ADAMTSL3: variants seen among roughly 807,000 people sequenced by gnomAD.
ADAMTSL3 encodes ADAMTS-like protein 3.
Under a neutral mutation model 201.7 loss-of-function variants are expected in ADAMTSL3, and 128 were observed. The observed-to-expected ratio is 0.63, with a 90% CI of 0.55 to 0.73. The LOEUF (loss-of-function observed/expected upper bound fraction) is 0.73, where lower values mean the gene tolerates loss of function less well. Among genes scored for constraint, ADAMTSL3 ranks in the 30% least tolerant of loss-of-function variants. The probability of loss-of-function intolerance (pLI) is 0.00; values close to 1 mark genes in which losing one functional copy is unlikely to be tolerated. For synonymous variants in ADAMTSL3, 738 were observed against 748.4 expected (o/e 0.99, Z 0.23); for missense variants, 1,990 against 2,119.6 (o/e 0.94, Z 1.20).
chr15:83,821,884 A>C (rs1490952361), intron 6 of ADAMTSL3, among the ~76,000 whole-genome samples: 84 of 115,110 alleles, frequency 7.3e-4, no homozygotes, highest in African/African-American at 2.5e-3. Flanking sequence ...GACCCCCCCA[A>C]CTCCCTCCCG....
chr15:83,821,265 GATC>G (rs930084644), intron 6 of ADAMTSL3, among the ~76,000 whole-genome samples: 2 of 143,992 alleles, frequency 1.4e-5, no homozygotes, highest in African/African-American at 5.2e-5. Flanking sequence ...TTTTTTAATT[GATC>G]ATTCTTGGGT....
At chr15:83,870,350 C>T (rs1209911643) in intron 8 of ADAMTSL3, among the ~76,000 whole-genome samples, 1 of 152,158 alleles carries the variant, frequency 6.6e-6, no homozygotes, top group East Asian at 1.9e-4. Context: ...ACTATTTTTG[C>T]AACTTCCTGT....
intron 3 of ADAMTSL3, among the ~76,000 whole-genome samples, chr15:83,741,790 A>C (rs774851777): frequency 1.3e-5 from 2 of 152,082 alleles, no homozygotes; most frequent in Non-Finnish European, 2.9e-5. Flanking sequence ...TCCATCTAGG[A>C]GTTTGAGACC....
At chr15:83,866,051 A>G (rs2141812402) in intron 8 of ADAMTSL3, among the ~76,000 whole-genome samples, 1 of 152,330 alleles carries the variant, frequency 6.6e-6, no homozygotes, top group South Asian at 2.1e-4. Context: ...AATCAAAACC[A>G]TGATGAGATA....
chr15:83,680,061 A>G lies in ADAMTSL3; in HGVS notation c.69+24231A>G, dbSNP rs531528365. ...AGGGCAGGAGTTGGGGAAGGCATCC[A>G]TGGTGTTTGGCTGATGTAAGGGGGT... On this transcript the variant is annotated intron_variant, in intron 2 of 29. Coordinates refer to ENST00000286744, the MANE Select transcript of ADAMTSL3 (RefSeq NM_207517.3). Among the ~76,000 whole-genome samples the G allele has an allele frequency of 1.6e-4, 25 of 152,280 alleles. No individual in the cohort carries two copies. In the South Asian group the frequency reaches 4.8e-3, roughly 29 times the overall value.
At chr15:84,019,923 C>T (rs1596544252) in intron 25 of ADAMTSL3, among the ~76,000 whole-genome samples, 1 of 145,012 alleles carries the variant, frequency 6.9e-6, no homozygotes, top group Non-Finnish European at 1.5e-5. Context: ...AAACCAAATA[C>T]ACAAGAGTAC....
At position 83,840,382 on chromosome 15, in the gene ADAMTSL3, G is replaced by A. The variant is rs566981749; in HGVS notation, c.727+2167G>A. 2.0e-3 allele frequency among the ~76,000 whole-genome samples: 297 copies of A among 152,292 alleles called. 1 individual carries two copies. Among genetic ancestry groups the A allele is most frequent in the African/African-American group, 7.0e-3 (289 of 41,558 alleles). On this transcript the variant is annotated intron_variant, in intron 7 of 29. Coordinates refer to ENST00000286744, the MANE Select transcript of ADAMTSL3 (RefSeq NM_207517.3). ...CAAGAGTGATTTTGATGAACTTCAG[G>A]CTGAAATCAAAGCTTCATTGCAATG...
At chr15:83,860,238 G>A (rs1301347306) in intron 8 of ADAMTSL3, among the ~76,000 whole-genome samples, 2 of 152,172 alleles carry the variant, frequency 1.3e-5, no homozygotes, top group Non-Finnish European at 1.5e-5. Context: ...TATATGGAGA[G>A]TAAAGTAAGA....
At chr15:83,855,867 C>G (rs965314258) in intron 7 of ADAMTSL3, among the ~76,000 whole-genome samples, 2 of 151,884 alleles carry the variant, frequency 1.3e-5, no homozygotes, top group South Asian at 4.2e-4. Context: ...AAAAATTAGC[C>G]AGGCATGCTG....
intron 2 of ADAMTSL3, among the ~76,000 whole-genome samples, chr15:83,662,704 G>A (rs2061191751): frequency 6.6e-6 from 1 of 152,008 alleles, no homozygotes; most frequent in South Asian, 2.1e-4. Context: ...TCAGGTACCT[G>A]AAGTTGCACA....
chr15:83,870,567 C>A (rs1487263223), intron 8 of ADAMTSL3, among the ~76,000 whole-genome samples: 1 of 152,148 alleles, frequency 6.6e-6, no homozygotes, highest in Non-Finnish European at 1.5e-5. Context: ...CTAGAAATGG[C>A]TCCAAATATT....
At chr15:83,981,249 A>G (rs1032385131) in intron 20 of ADAMTSL3, among the ~76,000 whole-genome samples, 1 of 152,218 alleles carries the variant, frequency 6.6e-6, no homozygotes, top group Non-Finnish European at 1.5e-5. Flanking sequence ...AAGGGAGAGA[A>G]ATACTTCTCT....
At chr15:83,835,615 G>A (rs959715569) in intron 6 of ADAMTSL3, among the ~76,000 whole-genome samples, 1 of 152,174 alleles carries the variant, frequency 6.6e-6, no homozygotes, top group Non-Finnish European at 1.5e-5. Flanking sequence ...GGACATGAAT[G>A]TGTGAGGACA....
intron 4 of ADAMTSL3, among the ~76,000 whole-genome samples, chr15:83,799,671 T>C (rs1183950142): frequency 1.3e-5 from 2 of 152,182 alleles, no homozygotes; most frequent in African/African-American, 4.8e-5. Flanking sequence ...AATCAACATA[T>C]GTTTTTTATA....
chr15:83,974,267 C>A (rs2067244201), intron 20 of ADAMTSL3, among the ~76,000 whole-genome samples: 1 of 152,136 alleles, frequency 6.6e-6, no homozygotes, highest in African/African-American at 2.4e-5. Context: ...CTTCCAGTAC[C>A]TCATCATGTG....
At chr15:83,972,248 G>A (rs2067210806) in intron 20 of ADAMTSL3, among the ~76,000 whole-genome samples, 1 of 152,126 alleles carries the variant, frequency 6.6e-6, no homozygotes, top group Non-Finnish European at 1.5e-5. Flanking sequence ...GCCTCTCTAT[G>A]CTGATTCATG....
intron 9 of ADAMTSL3, among the ~76,000 whole-genome samples, chr15:83,881,124 A>C (rs1458499833): frequency 2.0e-5 from 3 of 152,204 alleles, no homozygotes; most frequent in Non-Finnish European, 4.4e-5. Flanking sequence ...CAACTGGATT[A>C]TTTTAGCTGT....
chr15:83,940,093 T>C (rs1176898494), intron 17 of ADAMTSL3, among the ~76,000 whole-genome samples: 1 of 152,224 alleles, frequency 6.6e-6, no homozygotes, highest in Non-Finnish European at 1.5e-5. Flanking sequence ...AGGCTATTGA[T>C]TTTCTTCTAA....
intron 14 of ADAMTSL3, among the ~76,000 whole-genome samples, chr15:83,898,358 A>C (rs1017024895): frequency 6.6e-6 from 1 of 152,210 alleles, no homozygotes; most frequent in Non-Finnish European, 1.5e-5. Flanking sequence ...AAGTAGAAGG[A>C]AGACAAGAAA....
Sources: gnomAD v4.1 joint callset for allele counts (sites outside exome capture counted in the v4.1 genomes callset) on GRCh38, gnomAD v4.1.1 for gene constraint, MANE v1.5 for transcripts, NCBI Gene and HGNC (gene_info 2026-07-23, HGNC 2026-07-21) for gene names.